ELP3: variants seen among roughly 807,000 people sequenced by gnomAD.
The protein encoded by ELP3 is elongator acetyltransferase complex subunit 3.
ELP3 carries 56 observed loss-of-function variants against 74.9 expected under a neutral mutation model. The observed-to-expected ratio is 0.75, with a 90% CI of 0.60 to 0.93. The LOEUF (loss-of-function observed/expected upper bound fraction) is 0.93. Among genes scored for constraint, ELP3 ranks in the 40% least tolerant of loss-of-function variants. The pLI, the probability that ELP3 is intolerant of heterozygous loss-of-function variation, is 0.00. For synonymous variants in ELP3, 222 were observed against 239.8 expected (o/e 0.93, Z 0.68); for missense variants, 573 against 686.5 (o/e 0.83, Z 1.85).
At chr8:28,093,295 T>A (rs1811118092) in intron 1 of ELP3, 62 bp downstream of exon 1, 1 of 1,600,924 alleles carries the variant, frequency 6.2e-7, no homozygotes, top group Admixed American at 1.7e-5. Context: ...GCCCAGGCAA[T>A]CAAATGCTGA....
chr8:28,156,020 C>T lies in ELP3; in HGVS notation c.1179C>T (p.Asp393=), dbSNP rs1210811766. Residue 393 remains aspartate (D), a synonymous_variant, in exon 11 of 15, where the codon GAC becomes GAT. Transcript: ENST00000256398. ...LRELALARMK[D]LGIQCRDVRT... Reference sequence around the variant, plus strand: ...AGCTGGCACTTGCAAGAATGAAAGACCTCGGAATACAGGTAAGAGCAAATA... The same window carrying T: ...AGCTGGCACTTGCAAGAATGAAAGATCTCGGAATACAGGTAAGAGCAAATA... 1 of 1,613,432 alleles carries T rather than the reference C, an allele frequency of 6.2e-7. No homozygotes were observed. Among genetic ancestry groups the T allele is most frequent in the South Asian group, 1.1e-5 (1 of 91,050 alleles).
chr8:28,173,235 C>T (rs918685349), intron 14 of ELP3, among the ~76,000 whole-genome samples: 6 of 152,066 alleles, frequency 3.9e-5, no homozygotes, highest in Middle Eastern at 3.4e-3. Context: ...GTAGAATTTA[C>T]TAGTAAAGTC....
intron 7 of ELP3, 145 bp downstream of exon 7, chr8:28,113,318 T>C (rs950194344): frequency 6.3e-5 from 36 of 571,116 alleles, no homozygotes; most frequent in Non-Finnish European, 1.0e-4. Context: ...ATTATTTCAG[T>C]GAAAATAATG....
chr8:28,134,118 C>T lies in ELP3; in HGVS notation c.906+1714C>T, dbSNP rs184508633. Among the ~76,000 whole-genome samples the T allele has an allele frequency of 1.1e-3, 160 of 152,232 alleles. 3 individuals are homozygous for T. The highest frequency in any genetic ancestry group is 4.0e-4 in the Non-Finnish European group (27 of 68,020). ...GTCCCTCCGCCTGCCCCCCACCCCACGACAGGCCCCGGGGTATGATGTTCC... is the reference window on the plus strand; with the variant it reads ...GTCCCTCCGCCTGCCCCCCACCCCATGACAGGCCCCGGGGTATGATGTTCC... On this transcript the variant is annotated intron_variant, in intron 9 of 14. Transcript: ENST00000256398.
chr8:28,108,359 T>C (rs1336647191), intron 5 of ELP3, among the ~76,000 whole-genome samples: 1 of 152,124 alleles, frequency 6.6e-6, no homozygotes, highest in East Asian at 1.9e-4. Flanking sequence ...GACAACCAGG[T>C]TTCGAAGTCT....
At chr8:28,188,029 G>A (rs1334175105) in intron 14 of ELP3, among the ~76,000 whole-genome samples, 1 of 152,148 alleles carries the variant, frequency 6.6e-6, no homozygotes. Context: ...GGCAGCCAGC[G>A]AGCTAGAGGA....
chr8:28,121,310 T>A (rs1478967706), intron 7 of ELP3, among the ~76,000 whole-genome samples: 1 of 148,464 alleles, frequency 6.7e-6, no homozygotes, highest in Non-Finnish European at 1.5e-5. Context: ...TTAAATTTTA[T>A]TATTATTATT....
intron 10 of ELP3, among the ~76,000 whole-genome samples, chr8:28,142,569 T>C (rs1196367898): frequency 6.6e-6 from 1 of 152,170 alleles, no homozygotes; most frequent in African/African-American, 2.4e-5. Flanking sequence ...AATGTGGAAT[T>C]AGTAATGTCC....
At chr8:28,163,722 C>T (rs577568218) in intron 14 of ELP3, among the ~76,000 whole-genome samples, 1 of 152,224 alleles carries the variant, frequency 6.6e-6, no homozygotes, top group Non-Finnish European at 1.5e-5. Context: ...TAGAAGCCCT[C>T]TGCACATGTG....
chr8:28,126,205 G>C (rs1326636393), intron 7 of ELP3, among the ~76,000 whole-genome samples: 1 of 152,108 alleles, frequency 6.6e-6, no homozygotes, highest in East Asian at 1.9e-4. Context: ...GAGGGTGGAG[G>C]GGTTCTGGGA....
At chr8:28,173,987 T>G (rs974999794) in intron 14 of ELP3, among the ~76,000 whole-genome samples, 5 of 152,056 alleles carry the variant, frequency 3.3e-5, no homozygotes, top group Non-Finnish European at 5.9e-5. Flanking sequence ...TTTTTAAATT[T>G]ATTAAGACAT....
intron 14 of ELP3, among the ~76,000 whole-genome samples, chr8:28,181,496 A>G (rs775466160): frequency 1.1e-4 from 16 of 152,344 alleles, no homozygotes; most frequent in Non-Finnish European, 1.9e-4. Flanking sequence ...TTACTAAGCC[A>G]TATTGTTAAC....
At chr8:28,144,595 A>C (rs1813361546) in intron 10 of ELP3, among the ~76,000 whole-genome samples, 1 of 152,148 alleles carries the variant, frequency 6.6e-6, no homozygotes, top group Non-Finnish European at 1.5e-5. Context: ...ACTCCAGCCT[A>C]GGCAACAGAG....
At chr8:28,115,012 G>C (rs1812068364) in intron 7 of ELP3, among the ~76,000 whole-genome samples, 1 of 152,136 alleles carries the variant, frequency 6.6e-6, no homozygotes, top group African/African-American at 2.4e-5. Flanking sequence ...ATGGGGGTAA[G>C]AGAAAAGAAG....
chr8:28,162,045 G>C lies in ELP3; in HGVS notation c.1534G>C (p.Glu512Gln), dbSNP rs2130555390. ...GGAAGCAGAAAGAATAGCTAGAGAA[G>C]AACATGGGTCTGGGAAAATCGCTGT... ...MEEAERIARE[E>Q]HGSGKIAVIS... Residue 512 changes from glutamate to glutamine, a missense_variant, in exon 14 of 15, where the codon GAA (glutamate) becomes CAA (glutamine). Glu to Gln is a conservative substitution (Grantham distance 29). Coordinates refer to ENST00000256398, the MANE Select transcript of ELP3 (RefSeq NM_018091.6). 1 of 1,614,178 alleles carries C rather than the reference G, an allele frequency of 6.2e-7. No individual in the cohort carries two copies. Among genetic ancestry groups the C allele is most frequent in the East Asian group, 2.2e-5 (1 of 44,884 alleles).
In ELP3 at chr8:28,189,908, G is replaced by C; in HGVS notation, c.*183G>C. 5 of 584,450 alleles carry C rather than the reference G, an allele frequency of 8.6e-6. No homozygotes were observed. The highest frequency in any genetic ancestry group is 3.0e-6 in the Non-Finnish European group (1 of 335,500). 36.2% of individuals were successfully genotyped at this position (584,450 alleles called of 1,614,324 possible). A position where few individuals can be genotyped will look rare whatever the true frequency, so the allele number is the denominator to read the frequency against. On this transcript the variant is annotated 3_prime_UTR_variant, in exon 15 of 15. Transcript: ENST00000256398. ...CTGGTCATCTGCTGACCACACCCCAGATCCGCCCTCTCCTGCGTGCACCCC... is the reference window on the plus strand; with the variant it reads ...CTGGTCATCTGCTGACCACACCCCACATCCGCCCTCTCCTGCGTGCACCCC...
intron 10 of ELP3, among the ~76,000 whole-genome samples, chr8:28,142,048 A>G (rs759490044): frequency 3.3e-5 from 5 of 152,228 alleles, no homozygotes; most frequent in Non-Finnish European, 5.9e-5. Context: ...TATACTATTA[A>G]ATGCTTAATT....
chr8:28,145,627 T>G (rs73226791), intron 10 of ELP3, among the ~76,000 whole-genome samples: 30 of 151,670 alleles, frequency 2.0e-4, no homozygotes, highest in Non-Finnish European at 3.2e-4. Flanking sequence ...GGACCTTTTT[T>G]TTGTTGTTGT....
chr8:28,103,673 C>G (rs1303787864), intron 3 of ELP3, among the ~76,000 whole-genome samples: 1 of 152,234 alleles, frequency 6.6e-6, no homozygotes, highest in Non-Finnish European at 1.5e-5. Context: ...AGTGAGTGAG[C>G]ACTCTGATGT....
Sources: gnomAD v4.1 joint callset for allele counts (sites outside exome capture counted in the v4.1 genomes callset) on GRCh38, gnomAD v4.1.1 for gene constraint, MANE v1.5 for transcripts, NCBI Gene and HGNC (gene_info 2026-07-23, HGNC 2026-07-21) for gene names.